Variants in SHROOM3 observed in about 807,000 individuals in gnomAD.
SHROOM3 encodes the protein shroom family member 3.
Under a neutral mutation model 138.6 loss-of-function variants are expected in SHROOM3, and 47 were observed. The ratio of observed to expected loss-of-function variants is 0.34; its 90% CI spans 0.27 to 0.43. SHROOM3 has a LOEUF of 0.43. Ranked by LOEUF, SHROOM3 falls within the 20% of genes least tolerant of loss-of-function variation. SHROOM3 has a pLI of 1.00. For missense variants in SHROOM3, 2,491 were observed against 2,596.5 expected (o/e 0.96, Z 0.88); for synonymous variants, 1,062 against 1,063.3 (o/e 1.00, Z 0.02).
intron 2 of SHROOM3, among the ~76,000 whole-genome samples, chr4:76,705,994 A>G (rs891002454): frequency 2.0e-5 from 3 of 152,170 alleles, no homozygotes; most frequent in African/African-American, 7.2e-5. Context: ...AAACCTAACT[A>G]CCAATAGCCT....
rs1429699643 is a variant in SHROOM3 at position 76,454,153 on chromosome 4, C to G, written c.168+17933C>G. ...CCGCCTCCTGGGTTCAAGCAATTCTCCTGCCTCAGCCTCCTGAGTGGCTGG... is the reference window on the plus strand; with the variant it reads ...CCGCCTCCTGGGTTCAAGCAATTCTGCTGCCTCAGCCTCCTGAGTGGCTGG... On this transcript the variant is annotated intron_variant, in intron 1 of 10. Coordinates refer to ENST00000296043, the MANE Select transcript of SHROOM3 (RefSeq NM_020859.4). 2.0e-5 allele frequency among the ~76,000 whole-genome samples: 3 copies of G among 152,178 alleles called. No homozygotes were observed. In the East Asian group the frequency reaches 5.8e-4, roughly 29 times the overall value.
intron 2 of SHROOM3, among the ~76,000 whole-genome samples, chr4:76,605,431 T>C (rs1400906831): frequency 6.6e-6 from 1 of 152,192 alleles, no homozygotes; most frequent in Non-Finnish European, 1.5e-5. Flanking sequence ...TAAATTAGAT[T>C]TGAACTAGGC....
At chr4:76,719,116 C>T (rs1720462720) in intron 3 of SHROOM3, among the ~76,000 whole-genome samples, 1 of 152,082 alleles carries the variant, frequency 6.6e-6, no homozygotes, top group Non-Finnish European at 1.5e-5. Context: ...ACATCTTCTC[C>T]CTAAAAAGCT....
chr4:76,676,320 G>T (rs150934619), intron 2 of SHROOM3, among the ~76,000 whole-genome samples: 297 of 152,294 alleles, frequency 2.0e-3, no homozygotes, highest in Middle Eastern at 6.8e-3. Flanking sequence ...TTAGGAACAT[G>T]AATTCAACCA....
chr4:76,564,578 G>A (rs1733660283), intron 2 of SHROOM3, among the ~76,000 whole-genome samples: 1 of 152,262 alleles, frequency 6.6e-6, no homozygotes, highest in South Asian at 2.1e-4. Flanking sequence ...GGTTTCCTGA[G>A]AGGTATGCAA....
At chr4:76,721,960 C>T (rs1046028548) in intron 3 of SHROOM3, among the ~76,000 whole-genome samples, 1 of 152,036 alleles carries the variant, frequency 6.6e-6, no homozygotes, top group Non-Finnish European at 1.5e-5. Context: ...AATCCAGATA[C>T]ATTTATATAT....
chr4:76,459,939 G>T (rs1228528565), intron 1 of SHROOM3, among the ~76,000 whole-genome samples: 1 of 152,110 alleles, frequency 6.6e-6, no homozygotes, highest in African/African-American at 2.4e-5. Flanking sequence ...TGGATAATGT[G>T]CTGCTGCTTC....
At chr4:76,721,620 A>G (rs1323822128) in intron 3 of SHROOM3, among the ~76,000 whole-genome samples, 3 of 152,188 alleles carry the variant, frequency 2.0e-5, no homozygotes, top group Non-Finnish European at 4.4e-5. Flanking sequence ...AAGCAATTCT[A>G]CCACCTCAGA....
intron 4 of SHROOM3, among the ~76,000 whole-genome samples, chr4:76,733,771 T>A (rs1390894846): frequency 2.0e-5 from 3 of 152,074 alleles, no homozygotes; most frequent in African/African-American, 7.2e-5. Flanking sequence ...CTGTTTCTTG[T>A]TAAGAAGCAG....
chr4:76,635,855 T>A (rs563052068), intron 2 of SHROOM3, among the ~76,000 whole-genome samples: 1 of 152,220 alleles, frequency 6.6e-6, no homozygotes, highest in Admixed American at 6.5e-5. Flanking sequence ...GGGAAACTGC[T>A]GGCATTTGGT....
At chr4:76,503,391 G>A (rs912152326) in intron 1 of SHROOM3, among the ~76,000 whole-genome samples, 4 of 152,032 alleles carry the variant, frequency 2.6e-5, no homozygotes, top group African/African-American at 9.7e-5. Context: ...ATAGTAAATA[G>A]TATTCTTTTT....
intron 2 of SHROOM3, among the ~76,000 whole-genome samples, chr4:76,596,264 G>A (rs1354727121): frequency 6.6e-6 from 1 of 152,100 alleles, no homozygotes; most frequent in Non-Finnish European, 1.5e-5. Context: ...AAAAAATAGA[G>A]AGCCAGGTGT....
At chr4:76,540,481 A>G (rs987943941) in intron 1 of SHROOM3, among the ~76,000 whole-genome samples, 1 of 152,234 alleles carries the variant, frequency 6.6e-6, no homozygotes, top group Non-Finnish European at 1.5e-5. Context: ...GGAAAACTTT[A>G]GGAAACAAAT....
At chr4:76,665,231 C>G (rs188234074) in intron 2 of SHROOM3, among the ~76,000 whole-genome samples, 1 of 152,286 alleles carries the variant, frequency 6.6e-6, no homozygotes, top group Non-Finnish European at 1.5e-5. Context: ...ACTGTGGAAC[C>G]ACCTCCACTT....
chr4:76,740,294 A>C lies in SHROOM3; in HGVS notation c.2121A>C (p.Lys707Asn). The change falls in exon 5 of 11, where the codon AAA (lysine) becomes AAC (asparagine). Residue 707 changes from lysine to asparagine, a missense_variant. Lys to Asn is a moderately conservative substitution (Grantham distance 94). This residue lies in a region of SHROOM3 where 1,733 missense variants were observed against 1,661.6 expected (regional missense o/e 1.04). Transcript: ENST00000296043. The surrounding 1 kb of genome is among the most constrained non-coding windows in gnomAD (Gnocchi z 4.0). ...CCAAGGCAGAAGACCCTGGGAGGAA[A>C]GCCGCTCCTGACCTCGGGAGCCATC... is the stretch of plus-strand genomic sequence containing the variant. The part of the protein sequence containing the change: ...VNTKAEDPGR[K>N]AAPDLGSHLD... 6.2e-7 allele frequency: 1 copy of C among 1,613,128 alleles called. No individual in the cohort carries two copies. Among genetic ancestry groups the C allele is most frequent in the South Asian group, 1.1e-5 (1 of 91,086 alleles).
chr4:76,470,117 G>T (rs561595153), intron 1 of SHROOM3, among the ~76,000 whole-genome samples: 36 of 152,190 alleles, frequency 2.4e-4, no homozygotes, highest in African/African-American at 8.4e-4. Context: ...CCTCTATGAA[G>T]TAGGTCCTAT....
chr4:76,534,486 G>A (rs1732907802), intron 1 of SHROOM3, among the ~76,000 whole-genome samples: 1 of 151,822 alleles, frequency 6.6e-6, no homozygotes. Flanking sequence ...CTGATGCAAA[G>A]CAGTTGCTCG....
At chr4:76,500,797 C>A (rs756766491) in intron 1 of SHROOM3, among the ~76,000 whole-genome samples, 2 of 145,900 alleles carry the variant, frequency 1.4e-5, no homozygotes, top group African/African-American at 5.2e-5. Flanking sequence ...TTTTCTCTTT[C>A]TTCTCCCTCT....
intron 2 of SHROOM3, among the ~76,000 whole-genome samples, chr4:76,641,636 A>T (rs561362537): frequency 1.3e-5 from 2 of 152,318 alleles, no homozygotes; most frequent in South Asian, 4.1e-4. Context: ...ATTTACCTTC[A>T]TGGTCTTCGG....
Sources: gnomAD v4.1 joint callset for allele counts (sites outside exome capture counted in the v4.1 genomes callset) on GRCh38, gnomAD v4.1.1 for gene constraint, gnomAD v4.1.1 regional missense constraint, Gnocchi (gnomAD v3.1) non-coding constraint, MANE v1.5 for transcripts, NCBI Gene and HGNC (gene_info 2026-07-23, HGNC 2026-07-21) for gene names.